DRC8: variants seen among roughly 807,000 people sequenced by gnomAD.
DRC8 encodes the protein dynein regulatory complex subunit 8.
chr1:245,060,295 A>G, the DRC8 span, among the ~76,000 whole-genome samples: 2 of 152,226 alleles, frequency 1.3e-5, no homozygotes, highest in Admixed American at 6.5e-5. Context: ...CATAATAATA[A>G]CTACTTCAAA....
At chr1:245,114,259 T>A in the DRC8 span, among the ~76,000 whole-genome samples, 4 of 152,002 alleles carry the variant, frequency 2.6e-5, no homozygotes, top group South Asian at 8.3e-4. Context: ...GTTCAGGAGT[T>A]CAAGAGCAGC....
At chr1:245,017,347 T>C in the DRC8 span, 45 of 1,570,272 alleles carry the variant, frequency 2.9e-5, no homozygotes, top group Non-Finnish European at 3.7e-5. Flanking sequence ...ATTTTTTTTT[T>C]TGTTACACTT....
chr1:244,971,040 C>A, the DRC8 span: 1 of 156,432 alleles, frequency 6.4e-6, no homozygotes, highest in Non-Finnish European at 1.4e-5. Flanking sequence ...CGAAACCCCG[C>A]GCTGGCGCAG....
At chr1:245,100,741 T>C in the DRC8 span, among the ~76,000 whole-genome samples, 2 of 150,086 alleles carry the variant, frequency 1.3e-5, no homozygotes, top group African/African-American at 4.9e-5. Context: ...GTGATCGGTC[T>C]ACTGCACTCC....
the DRC8 span, among the ~76,000 whole-genome samples, chr1:245,034,165 C>G: frequency 3.9e-5 from 6 of 152,218 alleles, no homozygotes; most frequent in Admixed American, 3.9e-4. Flanking sequence ...AAATCTCTTC[C>G]ATACCTAAAT....
the DRC8 span, among the ~76,000 whole-genome samples, chr1:244,979,901 A>G: frequency 6.6e-6 from 1 of 151,060 alleles, no homozygotes; most frequent in East Asian, 2.0e-4. Flanking sequence ...AGCATTGGTG[A>G]GTGATTAAAA....
At chr1:245,089,943 TAG>T in the DRC8 span, among the ~76,000 whole-genome samples, 1 of 152,116 alleles carries the variant, frequency 6.6e-6, no homozygotes, top group East Asian at 1.9e-4. This position sits in a 1 kb window ranked among gnomAD's most constrained non-coding sequence, Gnocchi z 4.8. Flanking sequence ...TAGTAGGTTA[TAG>T]AGTTTCAAGA....
At chr1:245,069,724 C>T in the DRC8 span, among the ~76,000 whole-genome samples, 1 of 152,168 alleles carries the variant, frequency 6.6e-6, no homozygotes, top group Non-Finnish European at 1.5e-5. Context: ...ATGTAGTTAA[C>T]ACTGCTGTAC....
chr1:245,024,413 T>TGAG, the DRC8 span, among the ~76,000 whole-genome samples: 1 of 152,218 alleles, frequency 6.6e-6, no homozygotes, highest in Non-Finnish European at 1.5e-5. Context: ...ATAGAGTCTC[T>TGAG]CATCTTGTGT....
At chr1:245,120,791 G>C in the DRC8 span, among the ~76,000 whole-genome samples, 11 of 152,234 alleles carry the variant, frequency 7.2e-5, no homozygotes, top group Admixed American at 1.3e-4. Flanking sequence ...CAATGGGAAG[G>C]CACCTCGGGG....
the DRC8 span, among the ~76,000 whole-genome samples, chr1:245,097,457 G>T: frequency 2.0e-5 from 3 of 152,102 alleles, no homozygotes; most frequent in East Asian, 3.9e-4. The surrounding 1 kb of genome is among the most constrained non-coding windows in gnomAD (Gnocchi z 5.0). Flanking sequence ...GGCAGAGGCT[G>T]CAGTGAGCTG....
At chr1:245,067,066 A>G in the DRC8 span, among the ~76,000 whole-genome samples, 1 of 152,168 alleles carries the variant, frequency 6.6e-6, no homozygotes, top group Non-Finnish European at 1.5e-5. Flanking sequence ...TCATTTCCAC[A>G]TCCATCACCT....
the DRC8 span, chr1:245,087,485 G>T: frequency 7.2e-7 from 1 of 1,396,340 alleles, no homozygotes; most frequent in Non-Finnish European, 9.2e-7. Flanking sequence ...ACTATTTTAA[G>T]ACACTTTGTT....
the DRC8 span, among the ~76,000 whole-genome samples, chr1:245,085,506 A>T: frequency 6.6e-6 from 1 of 152,180 alleles, no homozygotes; most frequent in Admixed American, 6.5e-5. Flanking sequence ...AGGAATGAAC[A>T]TGCTATTTCA....
chr1:245,089,381 A>C, the DRC8 span, among the ~76,000 whole-genome samples: 1 of 152,118 alleles, frequency 6.6e-6, no homozygotes, highest in Non-Finnish European at 1.5e-5. The surrounding 1 kb of genome is among the most constrained non-coding windows in gnomAD (Gnocchi z 4.8). Context: ...GACAGTCTAG[A>C]ACAAAACCAT....
At chr1:245,031,309 C>T in the DRC8 span, among the ~76,000 whole-genome samples, 1 of 151,944 alleles carries the variant, frequency 6.6e-6, no homozygotes, top group African/African-American at 2.4e-5. Context: ...CTGTAATTCC[C>T]AGATTCTCTT....
At chr1:244,989,941 T>C in the DRC8 span, among the ~76,000 whole-genome samples, 1 of 152,268 alleles carries the variant, frequency 6.6e-6, no homozygotes. Flanking sequence ...TTGAGTATCA[T>C]GACGAAATCT....
At chr1:245,053,097 C>G in the DRC8 span, among the ~76,000 whole-genome samples, 134 of 152,194 alleles carry the variant, frequency 8.8e-4, 1 homozygote, top group Non-Finnish European at 1.6e-3. Context: ...CTTTTTGGCT[C>G]TTATATTGTA....
chr1:245,002,978 C>T, the DRC8 span, among the ~76,000 whole-genome samples: 9 of 152,126 alleles, frequency 5.9e-5, no homozygotes, highest in Non-Finnish European at 1.2e-4. Context: ...TGGAAACTAC[C>T]GTTCTGCTTT....
Sources: allele counts gnomAD v4.1 joint callset (sites outside exome capture counted in the v4.1 genomes callset), GRCh38; gene constraint gnomAD v4.1.1; non-coding constraint Gnocchi (gnomAD v3.1); transcripts MANE v1.5; gene names NCBI Gene and HGNC (gene_info 2026-07-23, HGNC 2026-07-21).